GRIA1: variants seen among roughly 807,000 people sequenced by gnomAD.
GRIA1 encodes the protein glutamate ionotropic receptor AMPA type subunit 1.
GRIA1 carries 31 observed loss-of-function variants against 99.2 expected under a neutral mutation model. The observed-to-expected ratio is 0.31, with a 90% CI of 0.23 to 0.42. GRIA1 has a LOEUF of 0.42. Ranked by LOEUF, GRIA1 falls within the 10% of genes least tolerant of loss-of-function variation. The pLI is 1.00. For synonymous variants in GRIA1, 438 were observed against 432.4 expected (o/e 1.01, Z -0.16); for missense variants, 782 against 1,157.5 (o/e 0.68, Z 4.71).
At chr5:153,553,950 A>G (rs1387956335) in intron 2 of GRIA1, among the ~76,000 whole-genome samples, 1 of 152,154 alleles carries the variant, frequency 6.6e-6, no homozygotes, top group Non-Finnish European at 1.5e-5. Context: ...ACCTACTGTA[A>G]TAAATGGGGT....
chr5:153,702,714 G>A (rs139092277), intron 10 of GRIA1, among the ~76,000 whole-genome samples: 406 of 152,268 alleles, frequency 2.7e-3, no homozygotes, highest in African/African-American at 9.3e-3. Context: ...AGAAACTCTG[G>A]CGTGTGTGTC....
intron 5 of GRIA1, among the ~76,000 whole-genome samples, chr5:153,659,049 T>A (rs984342157): frequency 1.9e-4 from 29 of 152,128 alleles, no homozygotes; most frequent in Non-Finnish European, 2.9e-4. Context: ...TGGCTCTGTA[T>A]TCTTGGACAA....
chr5:153,630,353 G>A (rs146741737), intron 2 of GRIA1, among the ~76,000 whole-genome samples: 166 of 152,170 alleles, frequency 1.1e-3, no homozygotes, highest in East Asian at 6.8e-3. Context: ...AGATATGTGA[G>A]GGAGATAAGC....
intron 4 of GRIA1, among the ~76,000 whole-genome samples, chr5:153,655,355 T>G (rs1313932627): frequency 2.0e-5 from 3 of 152,192 alleles, no homozygotes; most frequent in African/African-American, 7.2e-5. Context: ...TGACCATTCA[T>G]CCACCATCCA....
chr5:153,762,716 G>A (rs191130901), intron 11 of GRIA1, among the ~76,000 whole-genome samples: 225 of 152,250 alleles, frequency 1.5e-3, no homozygotes, highest in Non-Finnish European at 2.7e-3. Flanking sequence ...TGTCCTGGGG[G>A]ACCAAGAGTC....
intron 2 of GRIA1, among the ~76,000 whole-genome samples, chr5:153,540,129 T>A (rs957313566): frequency 6.6e-6 from 1 of 152,218 alleles, no homozygotes; most frequent in Non-Finnish European, 1.5e-5. Context: ...AGCCAGCCAG[T>A]GCACGTGGAG....
At chr5:153,748,391 G>A (rs1000259019) in intron 11 of GRIA1, among the ~76,000 whole-genome samples, 2 of 152,180 alleles carry the variant, frequency 1.3e-5, no homozygotes, top group Non-Finnish European at 2.9e-5. Context: ...CTAGAAACAA[G>A]AAGATCAAAG....
intron 2 of GRIA1, among the ~76,000 whole-genome samples, chr5:153,589,382 C>T (rs1005739051): frequency 6.6e-6 from 1 of 152,142 alleles, no homozygotes; most frequent in African/African-American, 2.4e-5. Flanking sequence ...CTGATGGATA[C>T]TTTTCATTTT....
At chr5:153,703,009 G>T (rs1303280203) in intron 10 of GRIA1, among the ~76,000 whole-genome samples, 1 of 152,166 alleles carries the variant, frequency 6.6e-6, no homozygotes, top group Non-Finnish European at 1.5e-5. Flanking sequence ...GATCCGCTGT[G>T]CCCTCCACTA....
At chr5:153,717,293 A>AAT (rs2149534833) in intron 11 of GRIA1, among the ~76,000 whole-genome samples, 1 of 152,340 alleles carries the variant, frequency 6.6e-6, no homozygotes, top group East Asian at 1.9e-4. Context: ...TCTGGGAAGC[A>AAT]ATGAATGGTG....
At chr5:153,674,198 C>T (rs1242247135) in intron 5 of GRIA1, among the ~76,000 whole-genome samples, 1 of 152,260 alleles carries the variant, frequency 6.6e-6, no homozygotes, top group African/African-American at 2.4e-5. Flanking sequence ...TTTACCCCAA[C>T]AACCAGACCT....
At chr5:153,509,169 A>G (rs1218352405) in intron 2 of GRIA1, among the ~76,000 whole-genome samples, 4 of 152,320 alleles carry the variant, frequency 2.6e-5, no homozygotes, top group East Asian at 1.9e-4. Context: ...ACAATATCCA[A>G]TGTAACACAG....
intron 2 of GRIA1, among the ~76,000 whole-genome samples, chr5:153,645,790 A>C (rs1259182347): frequency 6.6e-6 from 1 of 152,228 alleles, no homozygotes; most frequent in Non-Finnish European, 1.5e-5. Context: ...TAAGAGCATT[A>C]ACTTTTTTAT....
intron 2 of GRIA1, among the ~76,000 whole-genome samples, chr5:153,579,140 C>T (rs142723280): frequency 6.6e-6 from 1 of 151,348 alleles, no homozygotes; most frequent in Non-Finnish European, 1.5e-5. Context: ...AAGGGCCATG[C>T]AAGTATAAAG....
intron 3 of GRIA1, among the ~76,000 whole-genome samples, chr5:153,649,998 A>G (rs543485742): frequency 6.6e-6 from 1 of 152,280 alleles, no homozygotes; most frequent in East Asian, 1.9e-4. Context: ...AATCCTCATA[A>G]TGACATTATG....
chr5:153,541,887 G>A lies in GRIA1; in HGVS notation c.220+47822G>A, dbSNP rs147536994. On this transcript the variant is annotated intron_variant, in intron 2 of 15. Transcript: ENST00000285900. ...GGAGGTTGCAGTGAGCTGAGATCACGCCACTGCACACCAGCCGGGTGACAG... is the reference window on the plus strand; with the variant it reads ...GGAGGTTGCAGTGAGCTGAGATCACACCACTGCACACCAGCCGGGTGACAG... 1.4e-3 allele frequency among the ~76,000 whole-genome samples: 187 copies of A among 129,186 alleles called. 1 individual carries two copies. In the East Asian group the frequency reaches 0.022, roughly 15 times the overall value. The allele number at this position is 129,186 out of a possible 152,430, so 84.8% of individuals were successfully genotyped here. A position where few individuals can be genotyped will look rare whatever the true frequency, so the allele number is the denominator to read the frequency against.
At chr5:153,542,771 C>G (rs2113498382) in intron 2 of GRIA1, among the ~76,000 whole-genome samples, 1 of 152,322 alleles carries the variant, frequency 6.6e-6, no homozygotes, top group African/African-American at 2.4e-5. Context: ...TAACCACTTC[C>G]TCTTCTCCCA....
intron 2 of GRIA1, among the ~76,000 whole-genome samples, chr5:153,544,310 C>T (rs945422573): frequency 2.6e-5 from 4 of 152,234 alleles, no homozygotes; most frequent in South Asian, 4.1e-4. Context: ...AAGCATGGTT[C>T]CTCTGGCAAC....
chr5:153,582,092 CTAGCATGGAAGAATAAAGGTGCCG>C (rs1763094160), intron 2 of GRIA1, among the ~76,000 whole-genome samples: 2 of 152,166 alleles, frequency 1.3e-5, no homozygotes, highest in African/African-American at 4.8e-5. Flanking sequence ...TCCTGAATCT[CTAGCATGGAAGAATAAAGGTGCCG>C]TAGCACAGAA....
Sources: gnomAD v4.1 joint callset for allele counts (sites outside exome capture counted in the v4.1 genomes callset) on GRCh38, gnomAD v4.1.1 for gene constraint, MANE v1.5 for transcripts, NCBI Gene and HGNC (gene_info 2026-07-23, HGNC 2026-07-21) for gene names.